FNBP4: variants seen among roughly 807,000 people sequenced by gnomAD.
FNBP4 encodes formin binding protein 4.
In FNBP4, 34 loss-of-function variants were observed where a neutral mutation model predicts 119.3. That is an observed-to-expected ratio of 0.28 (90% CI 0.22 to 0.38). The LOEUF (loss-of-function observed/expected upper bound fraction) is 0.38. FNBP4 is among the 10% of genes least tolerant of loss of function. FNBP4 has a pLI of 1.00. For synonymous variants in FNBP4, 462 were observed against 430.6 expected, an observed-to-expected ratio of 1.07 and a Z score of -0.90; for missense variants, 1,112 against 1,228.9, an observed-to-expected ratio of 0.90 and a Z score of 1.42.
In FNBP4 at chr11:47,767,298, A is replaced by G. The variant is rs1332879573; in HGVS notation, c.-10T>C. The G allele has an allele frequency of 6.7e-7, 1 of 1,497,900 alleles. No homozygotes were observed. The allele number at this position is 1,497,900 out of a possible 1,614,324, so 92.8% of individuals were successfully genotyped here. On this transcript the variant is annotated 5_prime_UTR_variant, in exon 1 of 17. Transcript: ENST00000263773. The stretch of plus-strand genomic sequence containing the variant: ...GGGACTTCTTCCCCATCGCGAGCCC[A>G]AGCGCGAGCAGAGAGCGTCGGGCGG...
At chr11:47,720,766 T>TA (rs200481292) in intron 15 of FNBP4, among the ~76,000 whole-genome samples, 11,888 of 122,524 alleles carry the variant, frequency 0.097, 542 homozygotes, top group African/African-American at 0.13. Flanking sequence ...CCAAGTGATT[T>TA]AAAAAAAAAA....
chr11:47,743,767 C>T (rs1355450605), intron 8 of FNBP4, 186 bp downstream of exon 8: 20 of 605,452 alleles, frequency 3.3e-5, no homozygotes, highest in Non-Finnish European at 5.2e-5. Flanking sequence ...CTCTCAGGCT[C>T]TTACTCCTCT....
chr11:47,720,151 A>C, intron 15 of FNBP4, 65 bp from the exon 16 acceptor site: 1 of 1,458,634 alleles, frequency 6.9e-7, no homozygotes, highest in Non-Finnish European at 9.3e-7. Flanking sequence ...GTCCTCTACA[A>C]TGGAGGTCAG....
At chr11:47,734,837 G>A (rs932366376) in intron 9 of FNBP4, among the ~76,000 whole-genome samples, 2 of 151,998 alleles carry the variant, frequency 1.3e-5, no homozygotes, top group African/African-American at 2.4e-5. Context: ...GGTGAGGATG[G>A]TGGTGCACAC....
intron 4 of FNBP4, 39 bp downstream of exon 4, chr11:47,752,877 G>C: frequency 4.5e-6 from 7 of 1,544,596 alleles, no homozygotes; most frequent in Non-Finnish European, 6.2e-6. Context: ...TCCCTTTAAG[G>C]ATTTTACTTT....
In FNBP4 at chr11:47,746,198, ATTG is replaced by A. The variant is rs780996123; in HGVS notation, c.1100_1102del (p.Thr367del). 13 of 1,613,990 alleles carry A rather than the reference ATTG, an allele frequency of 8.1e-6. No individual in the cohort carries two copies. The highest frequency in any genetic ancestry group is 4.0e-5 in the African/African-American group (3 of 74,890). On this transcript the variant is annotated inframe_deletion, in exon 7 of 17. Transcript: ENST00000263773. ...CAACATAATTTCCTGTGGCTTTACT[ATTG>A]TTGTTGCTTCTTCTACTGTTGTACT...
chr11:47,724,235 C>T, intron 13 of FNBP4, 63 bp from the exon 14 acceptor site: 2 of 1,584,292 alleles, frequency 1.3e-6, no homozygotes, highest in East Asian at 2.2e-5. Context: ...CCGCTCCCAC[C>T]TCCTTTTTTT....
intron 16 of FNBP4, among the ~76,000 whole-genome samples, chr11:47,718,358 C>T (rs1440299498): frequency 2.6e-5 from 4 of 151,950 alleles, no homozygotes; most frequent in African/African-American, 7.3e-5. Flanking sequence ...GGACTACAGG[C>T]GCCTGCCACC....
At chr11:47,766,724 C>G (rs1045440312) in intron 1 of FNBP4, among the ~76,000 whole-genome samples, 1 of 152,270 alleles carries the variant, frequency 6.6e-6, no homozygotes, top group Non-Finnish European at 1.5e-5. Flanking sequence ...AGTCACAGGC[C>G]GCGCACGCGG....
intron 3 of FNBP4, among the ~76,000 whole-genome samples, chr11:47,754,280 G>A (rs555856442): frequency 6.6e-6 from 1 of 151,808 alleles, no homozygotes; most frequent in African/African-American, 2.4e-5. Flanking sequence ...TTGGAAGGCC[G>A]AGGTGGGAGG....
intron 6 of FNBP4, among the ~76,000 whole-genome samples, chr11:47,749,963 T>TGG: frequency 6.6e-6 from 1 of 152,164 alleles, no homozygotes; most frequent in Non-Finnish European, 1.5e-5. Context: ...AAATGTCTTA[T>TGG]ATATGGAATC....
chr11:47,739,735 T>C (rs1057036703), intron 8 of FNBP4, among the ~76,000 whole-genome samples: 1 of 152,174 alleles, frequency 6.6e-6, no homozygotes, highest in Non-Finnish European at 1.5e-5. Flanking sequence ...AGCTGCATTA[T>C]GATTATGTCA....
intron 2 of FNBP4, among the ~76,000 whole-genome samples, chr11:47,755,434 A>C (rs913758481): frequency 6.6e-6 from 1 of 152,006 alleles, no homozygotes; most frequent in Non-Finnish European, 1.5e-5. Flanking sequence ...GGGCAACAAC[A>C]GTGAAAATCC....
rs556026031 is a variant in FNBP4, at chr11:47,765,384, GAAAAGAA to G, written c.221-29_221-23del. ...TCATCTGGATTAAAAAAAAAGAAAA[GAAAAGAA>G]AAGAAAAGAAAAGAAAAGAAAAGAA... On this transcript the variant is annotated intron_variant, in intron 1 of 16. Coordinates refer to ENST00000263773, the MANE Select transcript of FNBP4 (RefSeq NM_015308.5). 1.3e-4 allele frequency: 150 copies of G among 1,185,646 alleles called. 1 individual carries two copies. In the African/African-American group the frequency reaches 2.8e-3, roughly 22 times the overall value. The allele number at this position is 1,185,646 out of a possible 1,614,324, so 73.4% of individuals were successfully genotyped here. A position where few individuals can be genotyped will look rare whatever the true frequency, so the allele number is the denominator to read the frequency against.
chr11:47,743,724 C>G, intron 8 of FNBP4: 1 of 545,642 alleles, frequency 1.8e-6, no homozygotes, highest in East Asian at 3.2e-5. Flanking sequence ...TGGGACTGGA[C>G]TCTGAATACA....
intron 12 of FNBP4, among the ~76,000 whole-genome samples, chr11:47,728,271 G>A (rs1044118785): frequency 1.3e-5 from 2 of 150,444 alleles, no homozygotes; most frequent in Non-Finnish European, 3.0e-5. Flanking sequence ...TTTTTAAGAC[G>A]GAGTCTTTAA....
At chr11:47,751,375 T>C (rs984480615) in intron 4 of FNBP4, 85 bp from the exon 5 acceptor site, 1 of 1,502,872 alleles carries the variant, frequency 6.7e-7, no homozygotes, top group Non-Finnish European at 9.1e-7. Flanking sequence ...CACCTAACAG[T>C]TTCTCAAAAC....
rs1461420924 is a variant in FNBP4 at position 47,750,952 on chromosome 11, T to G, written c.870A>C (p.Lys290Asn). ...KEKTISVSSS[K>N]SGPVIAKREV... ...CTCGCTTGGCTATGACTGGTCCACTTTTACTACTGGAAACAGAAATCGTTT... is the reference window on the plus strand; with the variant it reads ...CTCGCTTGGCTATGACTGGTCCACTGTTACTACTGGAAACAGAAATCGTTT... The change falls in exon 6 of 17, where the codon AAA becomes AAC. Residue 290 changes from lysine (K) to asparagine (N), a missense_variant. Physicochemically the swap from Lys to Asn is moderately conservative, Grantham distance 94. Around this residue, in one of 2 missense-constraint regions of FNBP4, gnomAD observed 826 missense variants for 988.8 expected, o/e 0.84. Transcript: ENST00000263773. The G allele has an allele frequency of 6.2e-7, 1 of 1,613,950 alleles. No homozygotes were observed. The highest frequency in any genetic ancestry group is 1.3e-5 in the African/African-American group (1 of 74,918).
intron 14 of FNBP4, among the ~76,000 whole-genome samples, chr11:47,723,517 C>G (rs974836546): frequency 1.3e-5 from 2 of 152,166 alleles, no homozygotes; most frequent in Non-Finnish European, 2.9e-5. Flanking sequence ...TCGAAATCAT[C>G]AATGTACATA....
Sources: allele counts gnomAD v4.1 joint callset (sites outside exome capture counted in the v4.1 genomes callset), GRCh38; gene constraint gnomAD v4.1.1; regional missense constraint gnomAD v4.1.1; transcripts MANE v1.5; gene names NCBI Gene and HGNC (gene_info 2026-07-23, HGNC 2026-07-21).